The following ADAMTSL3 variants were observed in gnomAD, a reference collection of about 807,000 sequenced individuals.
ADAMTSL3 encodes the protein ADAMTS like 3, also known as ADAMTS-like protein 3.
In ADAMTSL3, 128 loss-of-function variants were observed where a neutral mutation model predicts 201.7. The ratio of observed to expected loss-of-function variants is 0.63; its 90% CI spans 0.55 to 0.73. ADAMTSL3 has a LOEUF of 0.73. ADAMTSL3 is among the 30% of genes least tolerant of loss of function. The pLI is 0.00. For synonymous variants in ADAMTSL3, 738 were observed against 748.4 expected (o/e 0.99, Z 0.23); for missense variants, 1,990 against 2,119.6 (o/e 0.94, Z 1.20).
chr15:83,988,376 T>C (rs995575440), intron 21 of ADAMTSL3, among the ~76,000 whole-genome samples: 4 of 152,210 alleles, frequency 2.6e-5, no homozygotes, highest in Non-Finnish European at 4.4e-5. Context: ...TAGGTTGTCT[T>C]TTTTTAAAAT....
chr15:83,767,791 G>A (rs1391435628), intron 3 of ADAMTSL3, among the ~76,000 whole-genome samples: 1 of 152,272 alleles, frequency 6.6e-6, no homozygotes, highest in South Asian at 2.1e-4. Context: ...TATTTTTATT[G>A]TAACATTAAA....
chr15:83,864,605 A>C (rs1004023578), intron 8 of ADAMTSL3, among the ~76,000 whole-genome samples: 1 of 152,170 alleles, frequency 6.6e-6, no homozygotes, highest in Non-Finnish European at 1.5e-5. Context: ...GTATTGATGG[A>C]ACGTATCTCA....
At chr15:83,690,758 G>A (rs933864878) in intron 2 of ADAMTSL3, among the ~76,000 whole-genome samples, 10 of 152,160 alleles carry the variant, frequency 6.6e-5, no homozygotes, top group Admixed American at 2.6e-4. Flanking sequence ...CAGACAAGAC[G>A]CATGCTTGTA....
At chr15:84,003,628 C>A (rs2067839457) in intron 23 of ADAMTSL3, among the ~76,000 whole-genome samples, 1 of 152,150 alleles carries the variant, frequency 6.6e-6, no homozygotes, top group African/African-American at 2.4e-5. Flanking sequence ...GCTTTTCATA[C>A]CAGGCAGTAA....
intron 3 of ADAMTSL3, among the ~76,000 whole-genome samples, chr15:83,766,225 A>G (rs2062887497): frequency 6.6e-6 from 1 of 152,178 alleles, no homozygotes; most frequent in African/African-American, 2.4e-5. Flanking sequence ...TTGCCTCACC[A>G]CAGCCCTTGT....
intron 8 of ADAMTSL3, chr15:83,862,746 C>T (rs2064892682): frequency 1.3e-5 from 2 of 152,102 alleles, no homozygotes; most frequent in South Asian, 2.1e-4. Flanking sequence ...ATCATAATGA[C>T]AGGATCAAAT....
At chr15:83,931,197 G>T (rs1412108831) in intron 17 of ADAMTSL3, among the ~76,000 whole-genome samples, 4 of 152,162 alleles carry the variant, frequency 2.6e-5, no homozygotes, top group African/African-American at 9.7e-5. Context: ...TCTCTAACAG[G>T]ATTCAACACT....
chr15:83,950,207 T>G (rs2066732883), intron 19 of ADAMTSL3, among the ~76,000 whole-genome samples: 1 of 152,114 alleles, frequency 6.6e-6, no homozygotes, highest in Non-Finnish European at 1.5e-5. Flanking sequence ...GGGGTCTAGT[T>G]TTACTCTTCT....
intron 2 of ADAMTSL3, among the ~76,000 whole-genome samples, chr15:83,668,664 A>AGGGAGAGAAACCCAGCC (rs2061282670): frequency 6.6e-6 from 1 of 152,098 alleles, no homozygotes; most frequent in Non-Finnish European, 1.5e-5. Flanking sequence ...AAAAAGGGAG[A>AGGGAGAGAAACCCAGCC]TCAAGTTGTC....
chr15:83,703,147 G>T (rs2061799396), intron 2 of ADAMTSL3, among the ~76,000 whole-genome samples: 1 of 151,980 alleles, frequency 6.6e-6, no homozygotes, highest in African/African-American at 2.4e-5. Flanking sequence ...CTTTGTTTTG[G>T]CCAATTTCTC....
chr15:83,887,106 C>T (rs1168130917), intron 10 of ADAMTSL3, among the ~76,000 whole-genome samples: 2 of 152,124 alleles, frequency 1.3e-5, no homozygotes, highest in East Asian at 3.9e-4. Flanking sequence ...GATTCTCAGG[C>T]CCCACCACAG....
intron 5 of ADAMTSL3, among the ~76,000 whole-genome samples, chr15:83,810,560 C>T (rs2063677416): frequency 6.6e-6 from 1 of 152,202 alleles, no homozygotes; most frequent in African/African-American, 2.4e-5. Flanking sequence ...CGAAGTCTGA[C>T]ACAGGTCCTA....
intron 7 of ADAMTSL3, among the ~76,000 whole-genome samples, chr15:83,854,151 T>C (rs1248227592): frequency 1.3e-5 from 2 of 152,182 alleles, no homozygotes; most frequent in Non-Finnish European, 2.9e-5. Context: ...AAATTTCTCC[T>C]TTTATAGTTG....
chr15:83,995,029 C>G (rs2141844688), intron 23 of ADAMTSL3, among the ~76,000 whole-genome samples: 1 of 152,232 alleles, frequency 6.6e-6, no homozygotes, highest in African/African-American at 2.4e-5. Flanking sequence ...CTCACCAAGC[C>G]CCCTTGAAAC....
At chr15:83,858,967 T>C (rs1482437103) in intron 8 of ADAMTSL3, 127 bp downstream of exon 8, 1 of 709,000 alleles carries the variant, frequency 1.4e-6, no homozygotes, top group African/African-American at 1.8e-5. Flanking sequence ...TAATGGGTAA[T>C]GTTACTGAAC....
chr15:83,735,055 C>G (rs1596110986), intron 3 of ADAMTSL3, among the ~76,000 whole-genome samples: 1 of 152,046 alleles, frequency 6.6e-6, no homozygotes, highest in Non-Finnish European at 1.5e-5. Flanking sequence ...TATCAGGCAG[C>G]CTCACTATGC....
chr15:83,857,194 A>G (rs1307304070), intron 7 of ADAMTSL3, among the ~76,000 whole-genome samples: 1 of 152,124 alleles, frequency 6.6e-6, no homozygotes, highest in East Asian at 1.9e-4. Context: ...AGTTACAAGT[A>G]TTCTTTATAT....
intron 4 of ADAMTSL3, among the ~76,000 whole-genome samples, chr15:83,774,851 C>A (rs1596183903): frequency 7.5e-6 from 1 of 133,806 alleles, no homozygotes; most frequent in Admixed American, 7.5e-5. Flanking sequence ...GGGGAGGAGG[C>A]TTTTTTTTTT....
chr15:83,695,510 G>A (rs1218852470), intron 2 of ADAMTSL3, among the ~76,000 whole-genome samples: 5 of 151,992 alleles, frequency 3.3e-5, no homozygotes, highest in Admixed American at 2.6e-4. Flanking sequence ...AGAAGGGCCC[G>A]GGGCTCATAT....
Sources: gnomAD v4.1 joint callset for allele counts (sites outside exome capture counted in the v4.1 genomes callset) on GRCh38, gnomAD v4.1.1 for gene constraint, MANE v1.5 for transcripts, NCBI Gene and HGNC (gene_info 2026-07-23, HGNC 2026-07-21) for gene names.